Variants in FNIP2 observed in about 807,000 individuals in gnomAD.
The protein encoded by FNIP2 is folliculin interacting protein 2.
FNIP2 carries 32 observed loss-of-function variants against 108.7 expected under a neutral mutation model. The observed-to-expected ratio is 0.29, with a 90% CI of 0.22 to 0.40. FNIP2 has a LOEUF of 0.40. Among genes scored for constraint, FNIP2 ranks in the 10% least tolerant of loss-of-function variants. FNIP2 has a pLI of 1.00. For missense variants in FNIP2, 1,202 were observed against 1,381.6 expected, an observed-to-expected ratio of 0.87 and a Z score of 2.06; for synonymous variants, 480 against 496.7, an observed-to-expected ratio of 0.97 and a Z score of 0.45.
chr4:158,793,901 C>T (rs1182857766), intron 1 of FNIP2, among the ~76,000 whole-genome samples: 1 of 152,116 alleles, frequency 6.6e-6, no homozygotes, highest in African/African-American at 2.4e-5. Flanking sequence ...CTACTATTGT[C>T]ATTTATGTGA....
intron 12 of FNIP2, among the ~76,000 whole-genome samples, chr4:158,866,780 T>A (rs778266862): frequency 2.0e-5 from 3 of 152,076 alleles, no homozygotes; most frequent in Admixed American, 6.5e-5. Context: ...TTTCAGCATG[T>A]TGGCCAGGCT....
intron 14 of FNIP2, chr4:158,871,822 C>T: frequency 1.0e-6 from 1 of 985,256 alleles, no homozygotes; most frequent in Non-Finnish European, 1.2e-6. Context: ...TGAGTCCATG[C>T]ATCAATGACC....
intron 2 of FNIP2, among the ~76,000 whole-genome samples, chr4:158,827,864 G>A (rs1778243771): frequency 6.6e-6 from 1 of 152,230 alleles, no homozygotes; most frequent in South Asian, 2.1e-4. Flanking sequence ...AAAACGTCAT[G>A]AGTTTGTATC....
intron 13 of FNIP2, among the ~76,000 whole-genome samples, chr4:158,869,990 C>T (rs1456263668): frequency 6.6e-6 from 1 of 152,238 alleles, no homozygotes; most frequent in Non-Finnish European, 1.5e-5. Flanking sequence ...ATGTCAGATT[C>T]CTAAAGCCAG....
chr4:158,846,305 T>G (rs1035716365), intron 7 of FNIP2, among the ~76,000 whole-genome samples: 1 of 152,248 alleles, frequency 6.6e-6, no homozygotes, highest in African/African-American at 2.4e-5. Flanking sequence ...CAATATACTC[T>G]GTTTTCTTTT....
intron 14 of FNIP2, among the ~76,000 whole-genome samples, chr4:158,879,436 A>G (rs1229521469): frequency 1.3e-5 from 2 of 150,414 alleles, no homozygotes; most frequent in African/African-American, 5.0e-5. Flanking sequence ...TGAGGATGAG[A>G]AGCAGGGAAG....
intron 1 of FNIP2, among the ~76,000 whole-genome samples, chr4:158,813,886 T>C (rs150382810): frequency 5.9e-4 from 90 of 152,364 alleles, no homozygotes; most frequent in African/African-American, 1.9e-3. Flanking sequence ...AGATTCTTTT[T>C]TTTGCACCTG....
At chr4:158,773,424 G>T (rs1242829954) in intron 1 of FNIP2, among the ~76,000 whole-genome samples, 1 of 152,188 alleles carries the variant, frequency 6.6e-6, no homozygotes, top group African/African-American at 2.4e-5. Context: ...CATGTACCAT[G>T]TTGATGGGAG....
intron 1 of FNIP2, among the ~76,000 whole-genome samples, 178 bp downstream of exon 1, chr4:158,769,497 C>G (rs1445836397): frequency 2.0e-5 from 3 of 152,122 alleles, no homozygotes; most frequent in Admixed American, 6.5e-5. Context: ...GCTCCGGACC[C>G]TCCGTGACCC....
At chr4:158,896,720 AT>A (rs1241013993) in intron 16 of FNIP2, among the ~76,000 whole-genome samples, 3 of 148,394 alleles carry the variant, frequency 2.0e-5, no homozygotes, top group Non-Finnish European at 4.4e-5. Context: ...TTTACAAAGT[AT>A]TTCCCCCTTA....
chr4:158,892,317 G>A (rs1782331330), intron 15 of FNIP2, among the ~76,000 whole-genome samples: 1 of 151,784 alleles, frequency 6.6e-6, no homozygotes, highest in Non-Finnish European at 1.5e-5. Flanking sequence ...TGTATTTTTT[G>A]TAGAGATGGG....
At chr4:158,834,991 C>G (rs918646959) in intron 6 of FNIP2, 1 of 153,350 alleles carries the variant, frequency 6.5e-6, no homozygotes, top group East Asian at 1.9e-4. Context: ...AAGTCGCCTA[C>G]AGTTACTACC....
chr4:158,829,763 A>G (rs1778365129), intron 3 of FNIP2, among the ~76,000 whole-genome samples: 1 of 151,978 alleles, frequency 6.6e-6, no homozygotes, highest in Non-Finnish European at 1.5e-5. Context: ...AAGGTTATTG[A>G]GAAATATTGG....
At chr4:158,880,380 G>A (rs1781521034) in intron 14 of FNIP2, among the ~76,000 whole-genome samples, 1 of 152,102 alleles carries the variant, frequency 6.6e-6, no homozygotes, top group Non-Finnish European at 1.5e-5. Context: ...TCATAGGTGG[G>A]AATTGAACAA....
chr4:158,836,509 C>T (rs1457987750), intron 7 of FNIP2: 1 of 151,920 alleles, frequency 6.6e-6, no homozygotes, highest in African/African-American at 2.4e-5. Flanking sequence ...GTCAGAAACT[C>T]TCATTGATCA....
At chr4:158,887,109 T>G (rs575896331) in intron 14 of FNIP2, among the ~76,000 whole-genome samples, 1 of 152,324 alleles carries the variant, frequency 6.6e-6, no homozygotes, top group African/African-American at 2.4e-5. Context: ...ATTCCTTTTC[T>G]TTAGTTCCCA....
At chr4:158,866,221 C>CT (rs34074378) in intron 12 of FNIP2, among the ~76,000 whole-genome samples, 8 of 59,776 alleles carry the variant, frequency 1.3e-4, no homozygotes, top group East Asian at 6.4e-4. Flanking sequence ...TCTGGTTATT[C>CT]TTTTTTTTTT....
intron 1 of FNIP2, among the ~76,000 whole-genome samples, chr4:158,817,115 C>T (rs1199204485): frequency 6.6e-6 from 1 of 152,106 alleles, no homozygotes; most frequent in Non-Finnish European, 1.5e-5. Context: ...AGCCACTGCA[C>T]CTGACCTCTG....
intron 1 of FNIP2, among the ~76,000 whole-genome samples, chr4:158,781,704 A>G (rs1412890167): frequency 1.3e-5 from 2 of 151,800 alleles, no homozygotes; most frequent in Non-Finnish European, 1.5e-5. Context: ...TTTGGTAGAG[A>G]CGGGGTTTCA....
Sources: gnomAD v4.1 joint callset for allele counts (sites outside exome capture counted in the v4.1 genomes callset) on GRCh38, gnomAD v4.1.1 for gene constraint, MANE v1.5 for transcripts, NCBI Gene and HGNC (gene_info 2026-07-23, HGNC 2026-07-21) for gene names.